HSPG2: variants seen among roughly 807,000 people sequenced by gnomAD.
The protein encoded by HSPG2 is basement membrane-specific heparan sulfate proteoglycan core protein.
Under a neutral mutation model 526.6 loss-of-function variants are expected in HSPG2, and 278 were observed. The ratio of observed to expected loss-of-function variants is 0.53; its 90% CI spans 0.48 to 0.58. HSPG2 has a LOEUF of 0.58. HSPG2 is among the 20% of genes least tolerant of loss of function. The pLI, the probability that HSPG2 is intolerant of heterozygous loss-of-function variation, is 0.00. For missense variants in HSPG2, 5,354 were observed against 6,099.5 expected, an observed-to-expected ratio of 0.88 and a Z score of 4.07; for synonymous variants, 2,465 against 2,555.4, an observed-to-expected ratio of 0.96 and a Z score of 1.07.
chr1:21,900,155 C>T (rs1035959851), intron 1 of HSPG2, among the ~76,000 whole-genome samples: 3 of 152,190 alleles, frequency 2.0e-5, no homozygotes, highest in Non-Finnish European at 2.9e-5. Context: ...TGGAGCCAGA[C>T]GGGCAGCTGG....
In HSPG2 at chr1:21,895,873, T is replaced by C. The variant is rs1642708738; in HGVS notation, c.244+49A>G. The C allele has an allele frequency of 6.3e-7, 1 of 1,587,418 alleles. No individual in the cohort carries two copies. The highest frequency in any genetic ancestry group is 1.3e-5 in the African/African-American group (1 of 74,488). On this transcript the variant is annotated intron_variant, in intron 3 of 96. Transcript: ENST00000374695. This position sits in a 1 kb window ranked among gnomAD's most constrained non-coding sequence, Gnocchi z 4.1. The stretch of plus-strand genomic sequence containing the variant: ...CAGCCCAGGAGACTGGCTCTGGGGC[T>C]TCCCTGGGGGACAGGAGGGAGACCT...
chr1:21,842,507 G>A, intron 67 of HSPG2, 127 bp from the exon 68 acceptor site: 1 of 1,163,680 alleles, frequency 8.6e-7, no homozygotes, highest in Non-Finnish European at 1.2e-6. Context: ...TAGGGCTGGT[G>A]GAAGCTTCAT....
At chr1:21,845,880 G>C (rs897107354) in intron 64 of HSPG2, among the ~76,000 whole-genome samples, 1 of 152,234 alleles carries the variant, frequency 6.6e-6, no homozygotes, top group African/African-American at 2.4e-5. Flanking sequence ...GCACAGATGA[G>C]CATAGTCCAA....
intron 1 of HSPG2, among the ~76,000 whole-genome samples, chr1:21,926,212 G>A (rs1345119075): frequency 6.6e-6 from 1 of 152,170 alleles, no homozygotes; most frequent in African/African-American, 2.4e-5. Context: ...TATTATATGC[G>A]ATAATGCCTG....
chr1:21,828,897 G>T lies in HSPG2; in HGVS notation c.12175C>A (p.Pro4059Thr), dbSNP rs780822868. ...GTGGCCGGGGACAGTGGCACGGAAG[G>T]CTCCACACCCCCCAGGTAGAGCAGG... ...HTLLYLGGVEPSVPLSPATNM... is the reference protein window; with the variant it reads ...HTLLYLGGVETSVPLSPATNM... Residue 4059 changes from proline (P) to threonine (T), a missense_variant, in exon 88 of 97, where the codon CCT (proline) becomes ACT (threonine). By Grantham distance (38) the Pro-to-Thr change is conservative (BLOSUM62 -1). Coordinates refer to ENST00000374695, the MANE Select transcript of HSPG2 (RefSeq NM_005529.7). This position sits in a 1 kb window ranked among gnomAD's most constrained non-coding sequence, Gnocchi z 6.0. The T allele has an allele frequency of 6.4e-6, 10 of 1,556,552 alleles. No homozygotes were observed. Among genetic ancestry groups the T allele is most frequent in the Non-Finnish European group, 7.8e-6 (9 of 1,150,032 alleles).
At position 21,875,921 on chromosome 1, in the gene HSPG2, T is replaced by A. The variant is rs752976298; in HGVS notation, c.3125A>T (p.His1042Leu). 6.2e-7 allele frequency: 1 copy of A among 1,614,174 alleles called. No homozygotes were observed. The highest frequency in any genetic ancestry group is 8.5e-7 in the Non-Finnish European group (1 of 1,180,032). Residue 1042 changes from histidine to leucine, a missense_variant, in exon 24 of 97, where the codon CAT becomes CTT. Coordinates refer to ENST00000374695, the MANE Select transcript of HSPG2 (RefSeq NM_005529.7). ...LQGNNIILEH[H>L]VAQEPSPGQP... ...GCCGGGGCTGGGCTCCTGGGCCACA[T>A]GGTGCTCTAGGATGATGTTGTTACC...
In HSPG2 at chr1:21,831,697, G is replaced by T; in HGVS notation, c.11307C>A (p.Gly3769=). The T allele has an allele frequency of 1.9e-6, 3 of 1,606,128 alleles. No individual in the cohort carries two copies. The highest frequency in any genetic ancestry group is 1.7e-6 in the Non-Finnish European group (2 of 1,175,672). Residue 3769 remains glycine, a synonymous_variant, in exon 82 of 97, where the codon GGC becomes GGA. Transcript: ENST00000374695. ...GGGCCAGGTCACCCACAATCAGGGA[G>T]CCCTGGGTGAGGCTGCGCAGCAGGG... is the stretch of plus-strand genomic sequence containing the variant. ...TVTLLRSLTQ[G]SLIVGDLAPV... is the part of the protein sequence containing the mutation.
At chr1:21,846,915 G>C (rs138901648) in intron 62 of HSPG2, among the ~76,000 whole-genome samples, 1 of 152,048 alleles carries the variant, frequency 6.6e-6, no homozygotes, top group East Asian at 1.9e-4. Context: ...CAGGAGAATC[G>C]CTTGAACCTG....
chr1:21,823,884 C>A, intron 95 of HSPG2, 165 bp from the exon 96 acceptor site: 2 of 736,740 alleles, frequency 2.7e-6, no homozygotes. Context: ...GCCCCACAAA[C>A]ACAGCTTCCT....
chr1:21,927,657 G>A (rs893470121), intron 1 of HSPG2, among the ~76,000 whole-genome samples: 14 of 152,272 alleles, frequency 9.2e-5, no homozygotes, highest in Non-Finnish European at 1.5e-4. Context: ...GGGACAAGGC[G>A]TCCAAAGACT....
At chr1:21,931,172 T>C (rs955961715) in intron 1 of HSPG2, among the ~76,000 whole-genome samples, 2 of 152,188 alleles carry the variant, frequency 1.3e-5, no homozygotes, top group African/African-American at 2.4e-5. Context: ...CTCAGGGCTT[T>C]CATGACAGCA....
At chr1:21,875,477 T>C (rs1357008114) in intron 25 of HSPG2, 152 bp downstream of exon 25, 4 of 709,226 alleles carry the variant, frequency 5.6e-6, no homozygotes, top group Non-Finnish European at 5.0e-6. Context: ...CCAGCCTGTA[T>C]GGGAGACATT....
chr1:21,934,971 G>C (rs1210566681), intron 1 of HSPG2, among the ~76,000 whole-genome samples: 1 of 149,550 alleles, frequency 6.7e-6, no homozygotes, highest in Admixed American at 6.7e-5. Context: ...CAATGGTGTG[G>C]TCTCAGCTCA....
intron 86 of HSPG2, 185 bp from the exon 87 acceptor site, chr1:21,829,789 C>T: frequency 2.8e-6 from 2 of 702,752 alleles, no homozygotes; most frequent in Non-Finnish European, 4.8e-6. Context: ...CTGGGAGGAG[C>T]TCCAATATGA....
At chr1:21,832,209 G>T (rs770312050) in intron 81 of HSPG2, among the ~76,000 whole-genome samples, 1 of 152,130 alleles carries the variant, frequency 6.6e-6, no homozygotes, top group African/African-American at 2.4e-5. Flanking sequence ...CTGTATCAGT[G>T]CCTGGCACAC....
At chr1:21,832,466 C>T (rs751185011) in intron 81 of HSPG2, 29 bp downstream of exon 81, 1 of 1,566,040 alleles carries the variant, frequency 6.4e-7, no homozygotes, top group East Asian at 2.2e-5. Flanking sequence ...GTCCAGTCCC[C>T]CTGTAGGTGG....
At chr1:21,927,399 G>C (rs1474652310) in intron 1 of HSPG2, among the ~76,000 whole-genome samples, 1 of 152,036 alleles carries the variant, frequency 6.6e-6, no homozygotes, top group Non-Finnish European at 1.5e-5. Flanking sequence ...GCCAGATTTA[G>C]AGTCGAGCAG....
At chr1:21,915,420 T>C (rs1040856741) in intron 1 of HSPG2, among the ~76,000 whole-genome samples, 1 of 151,758 alleles carries the variant, frequency 6.6e-6, no homozygotes, top group Non-Finnish European at 1.5e-5. Flanking sequence ...CGTGGGAAAA[T>C]AACAGGGGCA....
intron 1 of HSPG2, among the ~76,000 whole-genome samples, chr1:21,922,952 C>G (rs1644084053): frequency 6.6e-6 from 1 of 152,114 alleles, no homozygotes; most frequent in African/African-American, 2.4e-5. Flanking sequence ...GATGTTTCCC[C>G]CATCCCGCCC....
Sources: allele counts gnomAD v4.1 joint callset (sites outside exome capture counted in the v4.1 genomes callset), GRCh38; gene constraint gnomAD v4.1.1; non-coding constraint Gnocchi (gnomAD v3.1); transcripts MANE v1.5; gene names NCBI Gene and HGNC (gene_info 2026-07-23, HGNC 2026-07-21).